The following SHLD2 variants were observed in gnomAD, a reference collection of about 807,000 sequenced individuals.
SHLD2 encodes the protein shieldin complex subunit 2, also known as RINN1-REV7-interacting novel NHEJ regulator 2.
In SHLD2, 30 loss-of-function variants were observed where a neutral mutation model predicts 73.2. The observed-to-expected ratio is 0.41, with a 90% CI of 0.31 to 0.56. SHLD2 has a LOEUF of 0.56. Among genes scored for constraint, SHLD2 ranks in the 20% least tolerant of loss-of-function variants. The pLI is 0.28. For synonymous variants in SHLD2, 285 were observed against 370.1 expected, an observed-to-expected ratio of 0.77 and a Z score of 2.64; for missense variants, 745 against 1,055.9, an observed-to-expected ratio of 0.71 and a Z score of 4.08.
At chr10:87,120,795 T>G (rs1271630071) in intron 2 of SHLD2, among the ~76,000 whole-genome samples, 1 of 152,036 alleles carries the variant, frequency 6.6e-6, no homozygotes, top group East Asian at 2.0e-4. Flanking sequence ...GGCTCACGCC[T>G]GTAATCCCAG....
At chr10:87,121,211 G>A (rs1001467773) in intron 2 of SHLD2, among the ~76,000 whole-genome samples, 7 of 151,972 alleles carry the variant, frequency 4.6e-5, no homozygotes, top group Non-Finnish European at 1.0e-4. Context: ...TGCAACCTCC[G>A]CCTCCCAGGC....
rs1848882667 is a variant in SHLD2 at position 87,189,445 on chromosome 10, T to C, written c.2516-1039T>C. Among the ~76,000 whole-genome samples the C allele has an allele frequency of 2.6e-5, 4 of 152,270 alleles. 1 individual carries two copies. The highest frequency in any genetic ancestry group is 2.6e-4 in the Admixed American group (4 of 15,288). ...GCATTAATTAGATTGTGATCATAAG[T>C]CAAAATGTCATTGGTTATAAAGTGG... On this transcript the variant is annotated intron_variant, in intron 9 of 9. Coordinates refer to ENST00000298786, the MANE Select transcript of SHLD2 (RefSeq NM_001330112.2).
At chr10:87,117,897 G>C (rs965920141) in intron 2 of SHLD2, among the ~76,000 whole-genome samples, 24 of 152,156 alleles carry the variant, frequency 1.6e-4, no homozygotes, top group Non-Finnish European at 3.1e-4. Flanking sequence ...CAGTTTTCTC[G>C]AGGGATATTC....
At chr10:87,167,512 A>G (rs967526051) in intron 4 of SHLD2, among the ~76,000 whole-genome samples, 1 of 152,084 alleles carries the variant, frequency 6.6e-6, no homozygotes, top group African/African-American at 2.4e-5. Flanking sequence ...AGTGGTTACA[A>G]CTCATGAGAG....
At chr10:87,097,908 C>T (rs1383221221) in intron 2 of SHLD2, among the ~76,000 whole-genome samples, 5 of 151,684 alleles carry the variant, frequency 3.3e-5, no homozygotes, top group African/African-American at 7.3e-5. Context: ...TACAGGCGCC[C>T]GCCACCATGC....
chr10:87,151,245 T>C lies in SHLD2; in HGVS notation c.-5-105T>C, dbSNP rs1264249136. The stretch of plus-strand genomic sequence containing the variant: ...TCAAAAAAATCACCTATGTTAATTA[T>C]GTTTTTGACTCAGTTATATTTTCTT... On this transcript the variant is annotated intron_variant, in intron 2 of 9. Coordinates refer to ENST00000298786, the MANE Select transcript of SHLD2 (RefSeq NM_001330112.2). 1.0e-4 allele frequency: 55 copies of C among 551,304 alleles called. No homozygotes were observed. In the East Asian group the frequency reaches 1.6e-3, roughly 16 times the overall value. The allele number at this position is 551,304 out of a possible 1,614,324, so 34.2% of individuals were successfully genotyped here. A position where few individuals can be genotyped will look rare whatever the true frequency, so the allele number is the denominator to read the frequency against.
Position 87,176,109 on chromosome 10 carries a change from A to G in SHLD2, c.2170+14A>G. On this transcript the variant is annotated intron_variant, in intron 7 of 9. Coordinates refer to ENST00000298786, the MANE Select transcript of SHLD2 (RefSeq NM_001330112.2). ...ATAAGTGTTCAGGTAAGATCTTTATATACATAAATTCTGCTATTTTTATTT... is the reference window on the plus strand; with the variant it reads ...ATAAGTGTTCAGGTAAGATCTTTATGTACATAAATTCTGCTATTTTTATTT... 1 of 1,548,222 alleles carries G rather than the reference A, an allele frequency of 6.5e-7. No individual in the cohort carries two copies. Among genetic ancestry groups the G allele is most frequent in the Non-Finnish European group, 8.7e-7 (1 of 1,146,742 alleles).
chr10:87,122,136 G>GTT (rs1234855306), intron 2 of SHLD2, among the ~76,000 whole-genome samples: 1 of 105,134 alleles, frequency 9.5e-6, no homozygotes, highest in Non-Finnish European at 1.9e-5. Flanking sequence ...GGCGTGGCTG[G>GTT]TTTTTTTTTT....
chr10:87,191,439 C>T lies in SHLD2; in HGVS notation c.*756C>T, dbSNP rs1164955545. 6.6e-6 allele frequency: 1 copy of T among 152,244 alleles called. No homozygotes were observed. The highest frequency in any genetic ancestry group is 1.5e-5 in the Non-Finnish European group (1 of 68,092). 9.4% of individuals were successfully genotyped at this position (152,244 alleles called of 1,614,324 possible). On this transcript the variant is annotated 3_prime_UTR_variant, in exon 10 of 10. Transcript: ENST00000298786. ...GAGTGTTAATAGATTATCATATTGCCTGAAAATAAATTCATGATGACATGA... is the reference window on the plus strand; with the variant it reads ...GAGTGTTAATAGATTATCATATTGCTTGAAAATAAATTCATGATGACATGA...
At chr10:87,137,689 A>T (rs1844894270) in intron 2 of SHLD2, among the ~76,000 whole-genome samples, 1 of 152,252 alleles carries the variant, frequency 6.6e-6, no homozygotes, top group African/African-American at 2.4e-5. Flanking sequence ...GAGGTCATCA[A>T]TTCACAAATG....
intron 3 of SHLD2, among the ~76,000 whole-genome samples, chr10:87,155,619 A>G (rs1247866124): frequency 6.6e-6 from 1 of 151,598 alleles, no homozygotes; most frequent in Non-Finnish European, 1.5e-5. Context: ...ACTGTAAAAG[A>G]GGGCTGGATC....
chr10:87,115,039 A>C (rs190616783), intron 2 of SHLD2, among the ~76,000 whole-genome samples: 1 of 151,962 alleles, frequency 6.6e-6, no homozygotes, highest in East Asian at 1.9e-4. Context: ...GACCAGAGTT[A>C]TAAGTCATAT....
At chr10:87,107,578 G>T (rs1842681781) in intron 2 of SHLD2, among the ~76,000 whole-genome samples, 1 of 152,172 alleles carries the variant, frequency 6.6e-6, no homozygotes. Flanking sequence ...TGTGGGAAAG[G>T]CATCCTAAGT....
chr10:87,122,173 C>CAA (rs10706744), intron 2 of SHLD2, among the ~76,000 whole-genome samples: 9,034 of 86,264 alleles, frequency 0.1, 582 homozygotes, highest in Middle Eastern at 0.18. Flanking sequence ...CACTGACTGT[C>CAA]AAAAAAAAAA....
At chr10:87,125,473 C>T (rs1212319699) in intron 2 of SHLD2, among the ~76,000 whole-genome samples, 2 of 152,164 alleles carry the variant, frequency 1.3e-5, no homozygotes, top group East Asian at 1.9e-4. Context: ...TGGTGGCTGA[C>T]GCCTGTAATC....
intron 1 of SHLD2, among the ~76,000 whole-genome samples, chr10:87,095,664 C>T (rs1292487559): frequency 1.5e-4 from 23 of 152,262 alleles, no homozygotes; most frequent in Admixed American, 1.5e-3. Flanking sequence ...CAAGCTCTCA[C>T]CACGCGAGCT....
At chr10:87,145,811 G>T (rs1845566192) in intron 2 of SHLD2, among the ~76,000 whole-genome samples, 1 of 150,536 alleles carries the variant, frequency 6.6e-6, no homozygotes, top group Admixed American at 6.6e-5. Flanking sequence ...TTGAGAAATT[G>T]TATAATTATT....
intron 2 of SHLD2, among the ~76,000 whole-genome samples, chr10:87,129,683 C>G (rs938900291): frequency 6.6e-6 from 1 of 151,884 alleles, no homozygotes; most frequent in African/African-American, 2.4e-5. Flanking sequence ...GGGTCTTGCT[C>G]TGTCGTGGCT....
intron 2 of SHLD2, among the ~76,000 whole-genome samples, chr10:87,126,049 C>T (rs928956139): frequency 1.3e-5 from 2 of 152,148 alleles, no homozygotes; most frequent in African/African-American, 4.8e-5. Context: ...ATATAGGTAG[C>T]TGCATTCGAG....
Sources: gnomAD v4.1 joint callset for allele counts (sites outside exome capture counted in the v4.1 genomes callset) on GRCh38, gnomAD v4.1.1 for gene constraint, MANE v1.5 for transcripts, NCBI Gene and HGNC (gene_info 2026-07-23, HGNC 2026-07-21) for gene names.